ZNF254: variants seen among roughly 807,000 people sequenced by gnomAD.
ZNF254 encodes CTD-2017D11.1.
A neutral mutation model predicts 12.4 loss-of-function variants in ZNF254; 10 were observed. The observed-to-expected ratio is 0.80, with a 90% CI of 0.50 to 1.36. ZNF254 has a LOEUF of 1.36. Ranked by LOEUF, ZNF254 falls within the 40% of genes most tolerant of loss-of-function variation. ZNF254 has a pLI of 0.00. For missense variants in ZNF254, 996 were observed against 763.9 expected (o/e 1.30, Z -3.58); for synonymous variants, 305 against 253.4 (o/e 1.20, Z -1.93).
rs139957630 is a variant in ZNF254 at position 24,117,400 on chromosome 19, G to T, written c.254-8854G>T. Among the ~76,000 whole-genome samples, 351 of 152,278 alleles carry T rather than the reference G, an allele frequency of 2.3e-3. 2 individuals are homozygous for T. The highest frequency in any genetic ancestry group is 8.0e-3 in the African/African-American group (333 of 41,586). Reference sequence around the variant, plus strand: ...TACCTAAGGAAGCCTGGGCAATGGCGGGTGCCCCTCCCCCAGCCTCGCTGC... The same window carrying T: ...TACCTAAGGAAGCCTGGGCAATGGCTGGTGCCCCTCCCCCAGCCTCGCTGC... On this transcript the variant is annotated intron_variant, in intron 3 of 3. Coordinates refer to ENST00000357002, the MANE Select transcript of ZNF254 (RefSeq NM_203282.4).
intron 1 of ZNF254, among the ~76,000 whole-genome samples, chr19:24,101,530 T>A (rs1275483927): frequency 6.6e-6 from 1 of 152,128 alleles, no homozygotes; most frequent in East Asian, 1.9e-4. Context: ...ATCTTAGGAG[T>A]GAGAGATCAA....
In ZNF254 at chr19:24,069,363, CTT is replaced by C. The variant is rs1279325534; in HGVS notation, c.-94+23086_-94+23087del. Among the ~76,000 whole-genome samples, 8 of 148,480 alleles carry C rather than the reference CTT, an allele frequency of 5.4e-5. 1 individual carries two copies. The South Asian group carries it at 1.3e-3, about 25-fold the overall frequency. On this transcript the variant is annotated intron_variant, in intron 2 of 4. Coordinates refer to the ZNF254 transcript ENST00000613065. ...CAGGCTCAAGCCTGTAATCCCAGCA[CTT>C]TGGGAGGCCGAGGCAGGTGGATCAC...
rs536265275 is a variant in ZNF254, at chr19:24,119,584, AACTT to A, written c.254-6668_254-6665del. On this transcript the variant is annotated intron_variant, in intron 3 of 3. Transcript: ENST00000357002. ...GGCTCACTGCAGCCTCAACCTCCCA[AACTT>A]AGAAGATTCTCTGATTGCAGCCTCT... Among the ~76,000 whole-genome samples, 850 of 152,052 alleles carry A rather than the reference AACTT, an allele frequency of 5.6e-3. 15 individuals are homozygous for A. The highest frequency in any genetic ancestry group is 0.024 in the Middle Eastern group (7 of 294).
rs976216241 is a variant in ZNF254, at chr19:24,116,514, A to C, written c.254-9740A>C. 9.2e-5 allele frequency among the ~76,000 whole-genome samples: 14 copies of C among 151,910 alleles called. 1 individual carries two copies. Among genetic ancestry groups the C allele is most frequent in the Non-Finnish European group, 1.6e-4 (11 of 67,996 alleles). On this transcript the variant is annotated intron_variant, in intron 3 of 3. Coordinates refer to ENST00000357002, the MANE Select transcript of ZNF254 (RefSeq NM_203282.4). ...AGCTCCTGAGGCTTCTGCATTCTTC[A>C]TGTAGTTCTCAAGCCTTGGCTTTCA...
intron 1 of ZNF254, among the ~76,000 whole-genome samples, chr19:24,087,640 C>T (rs1278566821): frequency 6.6e-6 from 1 of 152,180 alleles, no homozygotes. Context: ...AGGGGAGAAT[C>T]CTGACTCGGG....
At chr19:24,098,923 T>G (rs1972826486) in intron 1 of ZNF254, 1 of 151,628 alleles carries the variant, frequency 6.6e-6, no homozygotes. Flanking sequence ...TCTTTACCAT[T>G]ATTGTGAAGG....
intron 2 of ZNF254, chr19:24,066,014 C>G (rs1194471407): frequency 6.6e-6 from 1 of 151,986 alleles, no homozygotes; most frequent in Non-Finnish European, 1.5e-5. Flanking sequence ...TGTGACTCTC[C>G]TCTTTTTTTC....
chr19:24,092,494 G>C (rs1972452657), intron 1 of ZNF254, among the ~76,000 whole-genome samples: 1 of 151,994 alleles, frequency 6.6e-6, no homozygotes, highest in Non-Finnish European at 1.5e-5. Flanking sequence ...TTGTACCTCA[G>C]CCTTCCACGT....
At chr19:24,074,510 G>A (rs1599647346) in intron 2 of ZNF254, among the ~76,000 whole-genome samples, 1 of 152,168 alleles carries the variant, frequency 6.6e-6, no homozygotes, top group East Asian at 1.9e-4. Context: ...TAGATGATGT[G>A]ACTATTCTTT....
At chr19:24,074,428 ATCT>A (rs1322056890) in intron 2 of ZNF254, among the ~76,000 whole-genome samples, 1 of 152,204 alleles carries the variant, frequency 6.6e-6, no homozygotes, top group Admixed American at 6.5e-5. Flanking sequence ...TGAATCCATC[ATCT>A]TTGTGCTGTG....
At chr19:24,073,633 G>A (rs560488813) in intron 2 of ZNF254, among the ~76,000 whole-genome samples, 2 of 152,094 alleles carry the variant, frequency 1.3e-5, no homozygotes, top group African/African-American at 4.8e-5. Flanking sequence ...CCAAAAGCTG[G>A]AAAATTGACT....
intron 3 of ZNF254, among the ~76,000 whole-genome samples, chr19:24,125,190 A>G (rs962231240): frequency 3.6e-5 from 5 of 140,648 alleles, no homozygotes; most frequent in Non-Finnish European, 4.7e-5. Context: ...TTGTTATTCT[A>G]GTTTGTTTGT....
intron 1 of ZNF254, among the ~76,000 whole-genome samples, chr19:24,038,586 A>C (rs1211305187): frequency 6.6e-6 from 1 of 152,146 alleles, no homozygotes; most frequent in Non-Finnish European, 1.5e-5. Flanking sequence ...GTTTGTCCAG[A>C]ATTACTAAAC....
Position 24,106,313 on chromosome 19 carries a change from T to C in ZNF254, c.158-235T>C, listed in dbSNP as rs192996133. The C allele has an allele frequency of 1.4e-5, 8 of 559,264 alleles. No homozygotes were observed. The Admixed American group carries it at 3.3e-4, about 23-fold the overall frequency. 34.6% of individuals were successfully genotyped at this position (559,264 alleles called of 1,614,324 possible). On this transcript the variant is annotated intron_variant, in intron 2 of 3. Coordinates refer to ENST00000357002, the MANE Select transcript of ZNF254 (RefSeq NM_203282.4). ...GAAGTTTAGTGGCATAAAATATTGTTACATCTTAAAATCCATTTGGCATCA... is the reference window on the plus strand; with the variant it reads ...GAAGTTTAGTGGCATAAAATATTGTCACATCTTAAAATCCATTTGGCATCA...
intron 2 of ZNF254, among the ~76,000 whole-genome samples, chr19:24,071,222 G>C (rs754639385): frequency 5.9e-5 from 9 of 152,202 alleles, no homozygotes; most frequent in Non-Finnish European, 1.0e-4. Context: ...AAGCACCTAC[G>C]TGATGTTACT....
intron 1 of ZNF254, chr19:24,104,175 A>G (rs572601369): frequency 6.6e-6 from 1 of 152,314 alleles, no homozygotes; most frequent in Non-Finnish European, 1.5e-5. Flanking sequence ...TGTTTGTAAC[A>G]GGGGAGGGCG....
chr19:24,114,911 AAC>A (rs1346627896), intron 3 of ZNF254, among the ~76,000 whole-genome samples: 12 of 152,268 alleles, frequency 7.9e-5, no homozygotes, highest in African/African-American at 2.4e-4. Flanking sequence ...GCAGCCAAAA[AAC>A]ACATGAAAAA....
intron 3 of ZNF254, among the ~76,000 whole-genome samples, chr19:24,113,302 A>T (rs972273141): frequency 1.4e-4 from 22 of 152,284 alleles, no homozygotes; most frequent in Non-Finnish European, 2.4e-4. Context: ...GGCAAACTGA[A>T]TCCAGCAGCA....
At position 24,127,466 on chromosome 19, in the gene ZNF254, C is replaced by T. The variant is rs1451664253; in HGVS notation, c.1466C>T (p.Pro489Leu). ...RHKRMHTGEKPYKCEECGKSF... is the reference protein window; with the variant it reads ...RHKRMHTGEKLYKCEECGKSF... ...AAGAGGATGCACACTGGAGAGAAAC[C>T]CTACAAATGTGAAGAATGTGGCAAA... The change falls in exon 4 of 4, where the codon CCC becomes CTC. Residue 489 changes from proline (P) to leucine (L), a missense_variant. Coordinates refer to ENST00000357002, the MANE Select transcript of ZNF254 (RefSeq NM_203282.4). 6.2e-7 allele frequency: 1 copy of T among 1,613,024 alleles called. No individual in the cohort carries two copies. Among genetic ancestry groups the T allele is most frequent in the Non-Finnish European group, 8.5e-7 (1 of 1,179,690 alleles).
Sources: gnomAD v4.1 joint callset for allele counts (sites outside exome capture counted in the v4.1 genomes callset) on GRCh38, gnomAD v4.1.1 for gene constraint, MANE v1.5 for transcripts, NCBI Gene and HGNC (gene_info 2026-07-23, HGNC 2026-07-21) for gene names.